ITGAE: variants seen among roughly 807,000 people sequenced by gnomAD.
The protein encoded by ITGAE is integrin subunit alpha E.
A neutral mutation model predicts 136.5 loss-of-function variants in ITGAE; 99 were observed. That is an observed-to-expected ratio of 0.73 (90% CI 0.62 to 0.86). The LOEUF (loss-of-function observed/expected upper bound fraction) is 0.86. Ranked by LOEUF, ITGAE falls within the 40% of genes least tolerant of loss-of-function variation. ITGAE has a pLI of 0.00. For missense variants in ITGAE, 1,447 were observed against 1,515.3 expected (o/e 0.95, Z 0.75); for synonymous variants, 613 against 591.8 (o/e 1.04, Z -0.52).
At chr17:3,764,719 G>A (rs958457620) in intron 2 of ITGAE, among the ~76,000 whole-genome samples, 7 of 152,056 alleles carry the variant, frequency 4.6e-5, no homozygotes, top group Non-Finnish European at 1.0e-4. Flanking sequence ...ATAAATAAAA[G>A]AACTGGAGGT....
intron 23 of ITGAE, chr17:3,729,787 G>A: frequency 2.4e-6 from 1 of 414,052 alleles, no homozygotes; most frequent in South Asian, 2.1e-5. Context: ...TAGAGATGGG[G>A]TTTCACCATG....
Position 3,751,899 on chromosome 17 carries a change from C to T in ITGAE, c.1669-25G>A. 7.5e-6 allele frequency: 12 copies of T among 1,599,412 alleles called. No homozygotes were observed. The South Asian group carries it at 1.1e-4, about 15-fold the overall frequency. On this transcript the variant is annotated intron_variant, in intron 14 of 30. Transcript: ENST00000263087. The stretch of plus-strand genomic sequence containing the variant: ...CCTGTAAAGCAAACAAACAGCTCAG[C>T]CCTCAAGAAGGGGTGCTAGGTGCCC...
chr17:3,729,390 G>T, intron 24 of ITGAE, 88 bp downstream of exon 24: 2 of 841,728 alleles, frequency 2.4e-6, no homozygotes, highest in South Asian at 2.7e-5. Context: ...CATTCATCCT[G>T]ACCACCAGCT....
chr17:3,729,831 G>A (rs947226929), intron 23 of ITGAE, among the ~76,000 whole-genome samples: 1 of 152,162 alleles, frequency 6.6e-6, no homozygotes, highest in Admixed American at 6.5e-5. Context: ...CTGACCTCAA[G>A]TGATCTGCCT....
intron 1 of ITGAE, among the ~76,000 whole-genome samples, chr17:3,789,495 CT>C (rs1177226468): frequency 1.2e-5 from 1 of 86,312 alleles, no homozygotes; most frequent in Non-Finnish European, 2.3e-5. Context: ...CTCTTTCCTT[CT>C]TTTTTTTTGT....
At chr17:3,777,725 G>C (rs2052577688) in intron 1 of ITGAE, 65 bp from the exon 2 acceptor site, 1 of 1,535,992 alleles carries the variant, frequency 6.5e-7, no homozygotes, top group African/African-American at 1.4e-5. Context: ...AGCAAATCCT[G>C]TGGTGTCATG....
At chr17:3,719,235 CAAAAAAAAAAAAA>C (rs746282209) in intron 29 of ITGAE, among the ~76,000 whole-genome samples, 3 of 66,246 alleles carry the variant, frequency 4.5e-5, no homozygotes, top group Non-Finnish European at 8.8e-5. Context: ...GATTCTTCCT[CAAAAAAAAAAAAA>C]AAAAAAAAGA....
intron 26 of ITGAE, chr17:3,725,978 G>C: frequency 6.2e-7 from 1 of 1,613,884 alleles, no homozygotes; most frequent in African/African-American, 1.3e-5. Context: ...GCTGTGGGTT[G>C]CAAGTGAGCA....
intron 2 of ITGAE, among the ~76,000 whole-genome samples, chr17:3,764,328 AG>A (rs2052242749): frequency 6.6e-6 from 1 of 152,170 alleles, no homozygotes; most frequent in African/African-American, 2.4e-5. Context: ...TGGGCCACCC[AG>A]GGGGCCTGCC....
chr17:3,766,880 G>T lies in ITGAE; in HGVS notation c.156-2920C>A, dbSNP rs531945506. ...GTTGTTGTAAGCCACTACATTTGTGGTAACTTGTTACAGCGTCGATAGGAA... is the reference window on the plus strand; with the variant it reads ...GTTGTTGTAAGCCACTACATTTGTGTTAACTTGTTACAGCGTCGATAGGAA... On this transcript the variant is annotated intron_variant, in intron 2 of 30. Coordinates refer to ENST00000263087, the MANE Select transcript of ITGAE (RefSeq NM_002208.5). Among the ~76,000 whole-genome samples, 13 of 151,364 alleles carry T rather than the reference G, an allele frequency of 8.6e-5. 1 individual carries two copies. The South Asian group carries it at 2.7e-3, about 32-fold the overall frequency.
At chr17:3,779,257 C>T (rs924688150) in intron 1 of ITGAE, among the ~76,000 whole-genome samples, 1 of 152,116 alleles carries the variant, frequency 6.6e-6, no homozygotes, top group Non-Finnish European at 1.5e-5. Context: ...GAAGCACAAA[C>T]ACATTTTGTT....
intron 16 of ITGAE, among the ~76,000 whole-genome samples, chr17:3,749,293 C>T (rs999463798): frequency 9.3e-5 from 14 of 150,964 alleles, no homozygotes; most frequent in Admixed American, 4.6e-4. Flanking sequence ...CTCGCTCTGT[C>T]GCCCAGGCTG....
intron 1 of ITGAE, among the ~76,000 whole-genome samples, chr17:3,793,523 T>G (rs188805700): frequency 6.6e-6 from 1 of 152,208 alleles, no homozygotes; most frequent in African/African-American, 2.4e-5. Context: ...ATCTCAGCTC[T>G]GGATTCGTGG....
chr17:3,721,319 C>G (rs1412749140), intron 28 of ITGAE, among the ~76,000 whole-genome samples: 1 of 126,834 alleles, frequency 7.9e-6, no homozygotes, highest in Non-Finnish European at 1.6e-5. Flanking sequence ...TTACTCGGGC[C>G]GGAATGGAGT....
chr17:3,753,489 G>T (rs1240828867), intron 13 of ITGAE, 59 bp from the exon 14 acceptor site: 8 of 1,576,768 alleles, frequency 5.1e-6, no homozygotes, highest in Non-Finnish European at 6.0e-6. Context: ...CCTCAGCAAG[G>T]CTACACCCCT....
At chr17:3,741,669 T>G (rs2051591840) in intron 19 of ITGAE, among the ~76,000 whole-genome samples, 1 of 152,176 alleles carries the variant, frequency 6.6e-6, no homozygotes, top group South Asian at 2.1e-4. Flanking sequence ...AAATGAGACG[T>G]GCTTATTAAT....
chr17:3,724,077 G>C, intron 26 of ITGAE: 1 of 1,596,440 alleles, frequency 6.3e-7, no homozygotes, highest in Non-Finnish European at 8.5e-7. Flanking sequence ...CAACAGCAGC[G>C]GCAGCAGCGA....
At chr17:3,748,707 G>A (rs956234668) in intron 16 of ITGAE, among the ~76,000 whole-genome samples, 2 of 152,238 alleles carry the variant, frequency 1.3e-5, no homozygotes, top group African/African-American at 4.8e-5. Context: ...AGAGCCAGCT[G>A]TGTGAGGATC....
intron 1 of ITGAE, among the ~76,000 whole-genome samples, chr17:3,790,788 C>CG (rs1567561165): frequency 1.3e-5 from 2 of 152,248 alleles, no homozygotes; most frequent in East Asian, 3.9e-4. Flanking sequence ...GCACTCCAGA[C>CG]GGAGAGCCAC....
Sources: gnomAD v4.1 joint callset for allele counts (sites outside exome capture counted in the v4.1 genomes callset) on GRCh38, gnomAD v4.1.1 for gene constraint, MANE v1.5 for transcripts, NCBI Gene and HGNC (gene_info 2026-07-23, HGNC 2026-07-21) for gene names.